ITPRID2: variants seen among roughly 807,000 people sequenced by gnomAD.
ITPRID2 encodes the protein protein ITPRID2.
Under a neutral mutation model 124.3 loss-of-function variants are expected in ITPRID2, and 60 were observed. The ratio of observed to expected loss-of-function variants is 0.48; its 90% CI spans 0.39 to 0.60. The LOEUF (loss-of-function observed/expected upper bound fraction) is 0.60. ITPRID2 is among the 20% of genes least tolerant of loss of function. ITPRID2 has a pLI of 0.00. For synonymous variants in ITPRID2, 521 were observed against 542.9 expected (o/e 0.96, Z 0.56); for missense variants, 1,553 against 1,512.2 (o/e 1.03, Z -0.45).
chr2:181,901,015 A>G (rs368936506), intron 7 of ITPRID2, 111 bp downstream of exon 7: 6 of 854,202 alleles, frequency 7.0e-6, no homozygotes, highest in East Asian at 5.6e-5. Context: ...AAGTAAAGAG[A>G]TTGATTAACG....
At position 181,905,076 on chromosome 2, in the gene ITPRID2, CGGA is replaced by C. The variant is rs946821000; in HGVS notation, c.1413+2612_1413+2614del. Among the ~76,000 whole-genome samples the C allele has an allele frequency of 7.2e-6, 1 of 138,938 alleles. No individual in the cohort carries two copies. The highest frequency in any genetic ancestry group is 2.8e-5 in the African/African-American group (1 of 35,778). 91.1% of individuals were successfully genotyped at this position (138,938 alleles called of 152,430 possible). On this transcript the variant is annotated intron_variant, in intron 8 of 17. Transcript: ENST00000431877. The surrounding 1 kb of genome is among the most constrained non-coding windows in gnomAD (Gnocchi z 4.1). ...TTTTCTTTTTTTTTTTTTTTTGAGACGGAGTCGCGCATTGTCACCCGGGAGTGC... is the reference window on the plus strand; with the variant it reads ...TTTTCTTTTTTTTTTTTTTTTGAGACGTCGCGCATTGTCACCCGGGAGTGC...
intron 11 of ITPRID2, chr2:181,918,088 AT>A (rs1239403594): frequency 6.2e-6 from 1 of 161,310 alleles, no homozygotes; most frequent in African/African-American, 2.4e-5. Flanking sequence ...CAGTATTAGA[AT>A]TTTTTTAAAA....
chr2:181,892,405 C>G lies in ITPRID2; in HGVS notation c.211+128C>G. 8.1e-7 allele frequency: 1 copy of G among 1,227,532 alleles called. No individual in the cohort carries two copies. The highest frequency in any genetic ancestry group is 1.1e-6 in the Non-Finnish European group (1 of 890,434). The allele number at this position is 1,227,532 out of a possible 1,614,324, so 76.0% of individuals were successfully genotyped here. ...TAGGCCGAGGGGAGAGGGGACACTT[C>G]CGACCTTCAAACGCGCGCGCTGAAC... On this transcript the variant is annotated intron_variant, in intron 1 of 17. Transcript: ENST00000431877. The surrounding 1 kb of genome is among the most constrained non-coding windows in gnomAD (Gnocchi z 5.2).
At position 181,902,251 on chromosome 2, in the gene ITPRID2, CAA is replaced by C; in HGVS notation, c.1200_1201del (p.His402Ter). ...TGAAAATGAACAAAGTAAAGAAACT[CAA>C]AGTCATGAGAGTAAACTGGGTGAGG... ...GTENEQSKETQSHESKLGEES... is the reference protein window; with the variant it reads ...GTENEQSKETXSHESKLGEES... On this transcript the variant is annotated frameshift_variant, in exon 8 of 18. Coordinates refer to ENST00000431877, the MANE Select transcript of ITPRID2 (RefSeq NM_001130445.3). LOFTEE classifies it high-confidence loss of function. This position sits in a 1 kb window ranked among gnomAD's most constrained non-coding sequence, Gnocchi z 4.4. 1.2e-6 allele frequency: 2 copies of C among 1,612,948 alleles called. No homozygotes were observed. The highest frequency in any genetic ancestry group is 1.7e-6 in the Non-Finnish European group (2 of 1,179,378).
Position 181,915,450 on chromosome 2 carries a change from A to G in ITPRID2, c.1810A>G (p.Asn604Asp), listed in dbSNP as rs773726622. The change falls in exon 11 of 18, where the codon AAT becomes GAT. Residue 604 changes from asparagine to aspartate, a missense_variant. Transcript: ENST00000431877. ...TTTCCCTCAGTGCAACACCATTGAG[A>G]ATACAGGAACTAAACAGTCCACCTG... The part of the protein sequence containing the change: ...QDFPQCNTIE[N>D]TGTKQSTCSP... 3.7e-6 allele frequency: 6 copies of G among 1,614,098 alleles called. No individual in the cohort carries two copies.
chr2:181,929,726 A>T lies in ITPRID2; in HGVS notation c.*179A>T. 9.5e-7 allele frequency: 1 copy of T among 1,057,504 alleles called. No homozygotes were observed. Among genetic ancestry groups the T allele is most frequent in the Non-Finnish European group, 1.3e-6 (1 of 740,864 alleles). 65.5% of individuals were successfully genotyped at this position (1,057,504 alleles called of 1,614,324 possible). On this transcript the variant is annotated 3_prime_UTR_variant, in exon 18 of 18. Transcript: ENST00000431877. ...TATATTTTAAAAAGACGTACATAGA[A>T]ACTTAGGCACTTTGCTATTTCTTTT... is the stretch of plus-strand genomic sequence containing the variant.
At chr2:181,911,379 T>G (rs995004011) in intron 9 of ITPRID2, among the ~76,000 whole-genome samples, 1 of 152,212 alleles carries the variant, frequency 6.6e-6, no homozygotes, top group Non-Finnish European at 1.5e-5. Context: ...AGTCCAAGAT[T>G]TACATACTGA....
chr2:181,928,246 C>A lies in ITPRID2; in HGVS notation c.3761C>A (p.Ser1254Tyr). The A allele has an allele frequency of 6.5e-7, 1 of 1,544,626 alleles. No individual in the cohort carries two copies. Among genetic ancestry groups the A allele is most frequent in the South Asian group, 1.2e-5 (1 of 82,028 alleles). Residue 1254 changes from serine (S) to tyrosine (Y), a missense_variant, in exon 17 of 18, where the codon TCT becomes TAT. Physicochemically the swap from Ser to Tyr is moderately radical, Grantham distance 144. Transcript: ENST00000431877. ...AAVSSSKASN[S>Y]KQDYH ...GTATCTTCAAGTAAAGCGTCTAATT[C>A]TAAGCAAGATTATCATTAAACAGAA...
At chr2:181,898,508 T>C (rs1692395505) in intron 4 of ITPRID2, among the ~76,000 whole-genome samples, 2 of 152,080 alleles carry the variant, frequency 1.3e-5, no homozygotes, top group Non-Finnish European at 2.9e-5. Context: ...TCTTAAGATA[T>C]TATTCATTAA....
intron 16 of ITPRID2, among the ~76,000 whole-genome samples, chr2:181,923,782 C>T (rs1317639666): frequency 6.6e-6 from 1 of 152,012 alleles, no homozygotes; most frequent in African/African-American, 2.4e-5. Context: ...ACAAATACTC[C>T]ATTCAATGCA....
intron 8 of ITPRID2, among the ~76,000 whole-genome samples, chr2:181,906,347 C>G (rs954648525): frequency 6.6e-6 from 1 of 152,196 alleles, no homozygotes; most frequent in African/African-American, 2.4e-5. Context: ...GTTGTACATT[C>G]TTACTACTTT....
At chr2:181,921,288 A>AC (rs1414302299) in intron 15 of ITPRID2, among the ~76,000 whole-genome samples, 2 of 151,702 alleles carry the variant, frequency 1.3e-5, no homozygotes, top group East Asian at 3.9e-4. Flanking sequence ...GACCAGCCTG[A>AC]CCAACATGGT....
In ITPRID2 at chr2:181,910,828, TCTCA is replaced by T. The variant is rs1177214815; in HGVS notation, c.1486+861_1486+864del. On this transcript the variant is annotated intron_variant, in intron 9 of 17. Transcript: ENST00000431877. The surrounding 1 kb of genome is among the most constrained non-coding windows in gnomAD (Gnocchi z 4.1). ...TGGTATTAAGAAACAAGAGCTTCAC[TCTCA>T]CTCGGTCACTGCAGCTCTGGTTAGA... 6.7e-6 allele frequency among the ~76,000 whole-genome samples: 1 copy of T among 149,870 alleles called. No individual in the cohort carries two copies. Among genetic ancestry groups the T allele is most frequent in the Non-Finnish European group, 1.5e-5 (1 of 68,006 alleles).
intron 2 of ITPRID2, among the ~76,000 whole-genome samples, chr2:181,895,312 A>G (rs1692098711): frequency 6.6e-6 from 1 of 152,088 alleles, no homozygotes; most frequent in East Asian, 1.9e-4. Flanking sequence ...TTGTATTTGA[A>G]AAAAAGATAT....
chr2:181,920,131 CTT>C (rs1694376098), intron 14 of ITPRID2, among the ~76,000 whole-genome samples: 1 of 152,132 alleles, frequency 6.6e-6, no homozygotes, highest in South Asian at 2.1e-4. Flanking sequence ...GTGAATTATT[CTT>C]TGTTACCTTA....
chr2:181,911,549 C>G (rs1693606097), intron 9 of ITPRID2, among the ~76,000 whole-genome samples: 1 of 152,130 alleles, frequency 6.6e-6, no homozygotes, highest in Admixed American at 6.5e-5. Context: ...TATGATGATA[C>G]TAGACAAAGT....
At position 181,910,837 on chromosome 2, in the gene ITPRID2, G is replaced by C. The variant is rs1558997644; in HGVS notation, c.1486+866G>C. ...GAAACAAGAGCTTCACTCTCACTCG[G>C]TCACTGCAGCTCTGGTTAGACTCAA... On this transcript the variant is annotated intron_variant, in intron 9 of 17. Coordinates refer to ENST00000431877, the MANE Select transcript of ITPRID2 (RefSeq NM_001130445.3). The surrounding 1 kb of genome is among the most constrained non-coding windows in gnomAD (Gnocchi z 4.1). 6.6e-6 allele frequency among the ~76,000 whole-genome samples: 1 copy of C among 152,068 alleles called. No homozygotes were observed. Among genetic ancestry groups the C allele is most frequent in the Non-Finnish European group, 1.5e-5 (1 of 67,994 alleles).
chr2:181,920,481 A>T, intron 14 of ITPRID2, 116 bp from the exon 15 acceptor site: 1 of 690,254 alleles, frequency 1.4e-6, no homozygotes, highest in Non-Finnish European at 2.2e-6. Context: ...TAGCCAATTA[A>T]TTTTATTATA....
chr2:181,927,609 TG>T (rs1032721226), intron 16 of ITPRID2, among the ~76,000 whole-genome samples: 1 of 152,234 alleles, frequency 6.6e-6, no homozygotes, highest in Non-Finnish European at 1.5e-5. Context: ...GTTTTGAGGA[TG>T]TTTTTTATAT....
Sources: allele counts gnomAD v4.1 joint callset (sites outside exome capture counted in the v4.1 genomes callset), GRCh38; gene constraint gnomAD v4.1.1; non-coding constraint Gnocchi (gnomAD v3.1); transcripts MANE v1.5; gene names NCBI Gene and HGNC (gene_info 2026-07-23, HGNC 2026-07-21).